Variants in MYCBP2 observed in about 807,000 individuals in gnomAD.
MYCBP2 encodes E3 ubiquitin-protein ligase MYCBP2.
A neutral mutation model predicts 525.3 loss-of-function variants in MYCBP2; 120 were observed. That is an observed-to-expected ratio of 0.23 (90% confidence interval 0.20 to 0.27). The LOEUF (loss-of-function observed/expected upper bound fraction) is 0.27, where lower values mean the gene tolerates loss of function less well. Among genes scored for constraint, MYCBP2 ranks in the 10% least tolerant of loss-of-function variants. The probability of loss-of-function intolerance (pLI) is 1.00; values close to 1 mark genes in which losing one functional copy is unlikely to be tolerated. For synonymous variants in MYCBP2, 1,894 were observed against 1,955.8 expected (o/e 0.97, Z 0.83); for missense variants, 4,149 against 5,657.1 (o/e 0.73, Z 8.55).
Position 77,217,938 on chromosome 13 carries a change from G to A in MYCBP2, c.2959C>T (p.Gln987Ter). ...TGTGTGCTAGGGCCTGGCAATGCTT[G>A]AACAAGAGTGGGACATCCCCTAGGT... ...VNSRGCPTLV[Q>*]ALPGPSTQVT... The change falls in exon 21 of 83, where the codon CAA becomes TAA. Residue 987 changes from glutamine (Q) to a stop codon, truncating the protein, a stop_gained. Transcript: ENST00000544440. LOFTEE classifies it high-confidence loss of function. 1 of 1,604,540 alleles carries A rather than the reference G, an allele frequency of 6.2e-7. No individual in the cohort carries two copies. Among genetic ancestry groups the A allele is most frequent in the East Asian group, 2.2e-5 (1 of 44,494 alleles).
rs1250166670 is a variant in MYCBP2, at chr13:77,168,332, T to C, written c.6114+96A>G. 3 of 971,194 alleles carry C rather than the reference T, an allele frequency of 3.1e-6. No homozygotes were observed. In the African/African-American group the frequency reaches 4.9e-5, roughly 16 times the overall value. 60.2% of individuals were successfully genotyped at this position (971,194 alleles called of 1,614,324 possible). On this transcript the variant is annotated intron_variant, in intron 40 of 82. Coordinates refer to ENST00000544440, the MANE Select transcript of MYCBP2 (RefSeq NM_015057.5). ...TATATGTAAATACTATAAAAGAAAA[T>C]ACACTTGTAAATACAGGCCAGGCAT... is the stretch of plus-strand genomic sequence containing the variant.
chr13:77,142,224 C>T (rs146414292), intron 49 of MYCBP2, among the ~76,000 whole-genome samples: 7 of 152,298 alleles, frequency 4.6e-5, no homozygotes, highest in Admixed American at 1.3e-4. Flanking sequence ...TTATATTCTA[C>T]TTCATAAGAT....
At chr13:77,082,592 G>A (rs115917452) in intron 63 of MYCBP2, among the ~76,000 whole-genome samples, 4 of 152,238 alleles carry the variant, frequency 2.6e-5, no homozygotes, top group African/African-American at 9.6e-5. Flanking sequence ...AATTGAAATT[G>A]GAATCTGTTG....
chr13:77,286,765 AAAAAAAAAAAAAAAAAAAAAAAAAATAT>A (rs1426626693), intron 3 of MYCBP2, among the ~76,000 whole-genome samples: 1 of 73,784 alleles, frequency 1.4e-5, no homozygotes, highest in African/African-American at 7.1e-5. Context: ...CAAAAAAAAA[AAAAAAAAAAAAAAAAAAAAAAAAAATAT>A]ATATATATAT....
chr13:77,116,918 C>T (rs866322778), intron 55 of MYCBP2, among the ~76,000 whole-genome samples: 2 of 151,972 alleles, frequency 1.3e-5, no homozygotes, highest in Admixed American at 6.6e-5. Flanking sequence ...GTTCTCCTTT[C>T]TCCTTAGTTC....
chr13:77,255,854 G>A lies in MYCBP2; in HGVS notation c.2176+1817C>T, dbSNP rs116323716. Among the ~76,000 whole-genome samples, 501 of 151,978 alleles carry A rather than the reference G, an allele frequency of 3.3e-3. 2 individuals carry two copies. Among genetic ancestry groups the A allele is most frequent in the African/African-American group, 0.011 (439 of 41,526 alleles). ...GTTAATTTATACAGCATTAATCCTC[G>A]AAATTATTGGTACTTTAACCAAAGT... On this transcript the variant is annotated intron_variant, in intron 14 of 82. Transcript: ENST00000544440.
At chr13:77,312,204 T>C (rs963064697) in intron 1 of MYCBP2, among the ~76,000 whole-genome samples, 1 of 152,076 alleles carries the variant, frequency 6.6e-6, no homozygotes, top group Admixed American at 6.6e-5. Flanking sequence ...ACAAAGAGAA[T>C]GTATCCCCAG....
At chr13:77,118,215 G>A in intron 55 of MYCBP2, 1 of 586,730 alleles carries the variant, frequency 1.7e-6, no homozygotes, top group Non-Finnish European at 3.0e-6. Context: ...AAAAATGTGG[G>A]AGGGGATAAC....
intron 24 of MYCBP2, among the ~76,000 whole-genome samples, chr13:77,206,050 G>C (rs2063296292): frequency 6.6e-6 from 1 of 152,056 alleles, no homozygotes; most frequent in Admixed American, 6.5e-5. Flanking sequence ...TTATATTTAG[G>C]AATATGATTT....
At chr13:77,087,391 T>C in intron 62 of MYCBP2, 93 bp downstream of exon 62, 1 of 1,090,984 alleles carries the variant, frequency 9.2e-7, no homozygotes. Flanking sequence ...AAGTTAGATC[T>C]GCGAATGATT....
Position 77,067,854 on chromosome 13 carries a change from A to G in MYCBP2, c.12182T>C (p.Leu4061Ser), listed in dbSNP as rs1369407705. The G allele has an allele frequency of 6.2e-7, 1 of 1,612,016 alleles. No individual in the cohort carries two copies. The highest frequency in any genetic ancestry group is 8.5e-7 in the Non-Finnish European group (1 of 1,178,628). ...SPRVQRQVTS[L>S]LRRVLPEVTP... ...TACTTCAGGCAAAACTCTTCTTAGTAAAGAGGTTACCTGGTAAGAAAAATA... is the reference window on the plus strand; with the variant it reads ...TACTTCAGGCAAAACTCTTCTTAGTGAAGAGGTTACCTGGTAAGAAAAATA... The change falls in exon 71 of 83, where the codon TTA (leucine) becomes TCA (serine). Residue 4061 changes from leucine to serine, a missense_variant. Physicochemically the swap from Leu to Ser is moderately radical, Grantham distance 145. Coordinates refer to ENST00000544440, the MANE Select transcript of MYCBP2 (RefSeq NM_015057.5).
chr13:77,296,823 A>G, intron 1 of MYCBP2, 149 bp from the exon 2 acceptor site: 1 of 599,462 alleles, frequency 1.7e-6, no homozygotes, highest in Non-Finnish European at 2.7e-6. Flanking sequence ...ACATACACAT[A>G]TAAGATACTA....
intron 68 of MYCBP2, among the ~76,000 whole-genome samples, chr13:77,075,233 G>A (rs1045744346): frequency 6.6e-6 from 1 of 151,984 alleles, no homozygotes; most frequent in Non-Finnish European, 1.5e-5. Flanking sequence ...AAACAAACTT[G>A]ATTGTGATAA....
rs1389477778 is a variant in MYCBP2, at chr13:77,326,650, G to A, written c.126C>T (p.Pro42=). 25 of 1,535,766 alleles carry A rather than the reference G, an allele frequency of 1.6e-5. No individual in the cohort carries two copies. Among genetic ancestry groups the A allele is most frequent in the Non-Finnish European group, 2.1e-5 (24 of 1,144,804 alleles). Residue 42 remains proline, a synonymous_variant, in exon 1 of 83, where the codon CCC becomes CCT. Transcript: ENST00000544440. The surrounding 1 kb of genome is among the most constrained non-coding windows in gnomAD (Gnocchi z 4.2). ...PAPGALFMPV[P]DGSVAAAGLG... Reference sequence around the variant, plus strand: ...GCCCCGCAGCAGCCACGGAGCCGTCGGGAACCGGCATGAACAGCGCCCCCG... The same window carrying A: ...GCCCCGCAGCAGCCACGGAGCCGTCAGGAACCGGCATGAACAGCGCCCCCG...
chr13:77,326,652 G>C lies in MYCBP2; in HGVS notation c.124C>G (p.Pro42Ala), dbSNP rs1427586106. The change falls in exon 1 of 83, where the codon CCC (proline) becomes GCC (alanine). Residue 42 changes from proline to alanine, a missense_variant. By Grantham distance (27) the Pro-to-Ala change is conservative (BLOSUM62 -1). This residue lies in a region of MYCBP2 where 413 missense variants were observed against 451.2 expected (regional missense o/e 0.92). Transcript: ENST00000544440. This position sits in a 1 kb window ranked among gnomAD's most constrained non-coding sequence, Gnocchi z 4.2. ...PAPGALFMPVPDGSVAAAGLG... is the reference protein window; with the variant it reads ...PAPGALFMPVADGSVAAAGLG... ...CCCGCAGCAGCCACGGAGCCGTCGG[G>C]AACCGGCATGAACAGCGCCCCCGGC... 5 of 1,510,248 alleles carry C rather than the reference G, an allele frequency of 3.3e-6. No homozygotes were observed. The highest frequency in any genetic ancestry group is 1.8e-4 in the Middle Eastern group (1 of 5,504). 93.6% of individuals were successfully genotyped at this position (1,510,248 alleles called of 1,614,324 possible).
chr13:77,073,374 A>G (rs1446480248), intron 68 of MYCBP2, among the ~76,000 whole-genome samples: 1 of 152,186 alleles, frequency 6.6e-6, no homozygotes, highest in East Asian at 1.9e-4. Context: ...TAGGAATAGA[A>G]GAAAACATTC....
intron 17 of MYCBP2, among the ~76,000 whole-genome samples, chr13:77,235,460 T>A (rs1193387059): frequency 6.6e-6 from 1 of 152,104 alleles, no homozygotes; most frequent in Non-Finnish European, 1.5e-5. Context: ...GTAGCTGACT[T>A]TTACAGAGTA....
At chr13:77,090,027 A>G (rs1388219438) in intron 60 of MYCBP2, 79 bp downstream of exon 60, 15 of 1,268,322 alleles carry the variant, frequency 1.2e-5, no homozygotes, top group Non-Finnish European at 1.6e-5. Context: ...TTAAATTTTA[A>G]AAATTATATG....
chr13:77,314,809 T>C (rs1240701964), intron 1 of MYCBP2, among the ~76,000 whole-genome samples: 1 of 152,062 alleles, frequency 6.6e-6, no homozygotes, highest in Non-Finnish European at 1.5e-5. Flanking sequence ...GCCACAAAAA[T>C]GCCACTCTGG....
Sources: allele counts gnomAD v4.1 joint callset (sites outside exome capture counted in the v4.1 genomes callset), GRCh38; gene constraint gnomAD v4.1.1; regional missense constraint gnomAD v4.1.1; non-coding constraint Gnocchi (gnomAD v3.1); transcripts MANE v1.5; gene names NCBI Gene and HGNC (gene_info 2026-07-23, HGNC 2026-07-21).